Variants in POTEE observed in about 807,000 individuals in gnomAD.
POTEE encodes the protein ANKRD26-like family C member 1A.
A neutral mutation model predicts 74.2 loss-of-function variants in POTEE; 21 were observed. The ratio of observed to expected loss-of-function variants is 0.28; its 90% CI spans 0.20 to 0.41. The LOEUF (loss-of-function observed/expected upper bound fraction) is 0.41, where lower values mean the gene tolerates loss of function less well. Ranked by LOEUF, POTEE falls within the 10% of genes least tolerant of loss-of-function variation. The pLI, the probability that POTEE is intolerant of heterozygous loss-of-function variation, is 1.00. For missense variants in POTEE, 525 were observed against 1,158.6 expected (o/e 0.45, Z 7.94); for synonymous variants, 211 against 432.8 (o/e 0.49, Z 6.36).
intron 2 of POTEE, among the ~76,000 whole-genome samples, chr2:131,211,904 T>C (rs1289254487): frequency 6.6e-6 from 1 of 150,790 alleles, no homozygotes; most frequent in East Asian, 2.0e-4. Flanking sequence ...TTTCAAATTT[T>C]GTGAATTGGG....
chr2:131,218,798 G>T lies in POTEE; in HGVS notation c.396G>T (p.Arg132Ser), dbSNP rs770282170. 1.9e-6 allele frequency: 3 copies of T among 1,612,742 alleles called. No individual in the cohort carries two copies. Among genetic ancestry groups the T allele is most frequent in the Non-Finnish European group, 2.5e-6 (3 of 1,179,874 alleles). The change falls in exon 4 of 18, where the codon AGG becomes AGT. Residue 132 changes from arginine to serine, a missense_variant. By Grantham distance (110) the Arg-to-Ser change is moderately radical (BLOSUM62 -1). Coordinates refer to ENST00000683005, the MANE Select transcript of POTEE (RefSeq NM_001083538.3). ...DYDDSAFMEP[R>S]YHVRGEDLDK... ...ATGACAGCGCCTTCATGGAGCCCAG[G>T]TACCACGTCCGTGGAGAAGATCTGG...
intron 4 of POTEE, among the ~76,000 whole-genome samples, chr2:131,222,873 A>T (rs536561613): frequency 6.6e-6 from 1 of 151,920 alleles, no homozygotes; most frequent in South Asian, 2.1e-4. Context: ...TGGTCATCTG[A>T]CTGGAACCGC....
Position 131,263,867 on chromosome 2 carries a change from G to A in POTEE, c.2412G>A (p.Leu804=), listed in dbSNP as rs369908134. ...LRVAPEEHPI[L]LTEAPLNPKA... ...TGGCTCCCGAGGAGCACCCCATCCTGCTGACCGAGGCCCCCCTGAACCCCA... is the reference window on the plus strand; with the variant it reads ...TGGCTCCCGAGGAGCACCCCATCCTACTGACCGAGGCCCCCCTGAACCCCA... The change falls in exon 18 of 18, where the codon CTG becomes CTA. Residue 804 remains leucine (L), a synonymous_variant. Transcript: ENST00000683005. The A allele has an allele frequency of 1.1e-3, 1,729 of 1,614,146 alleles. 6 individuals are homozygous for A. Among genetic ancestry groups the A allele is most frequent in the Middle Eastern group, 5.4e-3 (33 of 6,060 alleles).
At position 131,209,739 on chromosome 2, in the gene POTEE, C is replaced by T. The variant is rs1249299180; in HGVS notation, c.-425C>T. 1.8e-4 allele frequency among the ~76,000 whole-genome samples: 28 copies of T among 152,244 alleles called. No homozygotes were observed. Among genetic ancestry groups the T allele is most frequent in the African/African-American group, 6.5e-4 (27 of 41,466 alleles). ...GCATGCTGGAGGCTGGAGCCTGAGC[C>T]CCTGGGGCTCGCCTTGCTGTGTTTG... On this transcript the variant is annotated 5_prime_UTR_variant, in exon 1 of 18. Transcript: ENST00000683005.
chr2:131,233,793 A>G (rs533822388), intron 9 of POTEE, among the ~76,000 whole-genome samples: 56 of 150,286 alleles, frequency 3.7e-4, no homozygotes, highest in African/African-American at 1.3e-3. Context: ...GTGATAATTG[A>G]ATGAGAAAGG....
At chr2:131,222,678 T>C (rs1306355759) in intron 4 of POTEE, among the ~76,000 whole-genome samples, 2 of 152,250 alleles carry the variant, frequency 1.3e-5, no homozygotes, top group East Asian at 1.9e-4. Context: ...GATGTAGATA[T>C]ATTGTATAAA....
chr2:131,213,257 A>T (rs202074269), intron 2 of POTEE, among the ~76,000 whole-genome samples: 141 of 149,478 alleles, frequency 9.4e-4, no homozygotes, highest in African/African-American at 3.4e-3. Flanking sequence ...AACCAAAAAC[A>T]AGGCTTTATT....
At chr2:131,212,305 G>A (rs1700374931) in intron 2 of POTEE, among the ~76,000 whole-genome samples, 1 of 151,308 alleles carries the variant, frequency 6.6e-6, no homozygotes, top group African/African-American at 2.4e-5. Flanking sequence ...TACTGCTCAA[G>A]GTCATTAGAA....
intron 8 of POTEE, among the ~76,000 whole-genome samples, chr2:131,230,548 A>T (rs192205845): frequency 2.0e-5 from 3 of 152,298 alleles, no homozygotes; most frequent in Admixed American, 2.0e-4. Flanking sequence ...TTATGGAGCT[A>T]GGACTTATTT....
intron 8 of POTEE, chr2:131,229,859 A>T (rs1281493738): frequency 2.5e-4 from 38 of 152,228 alleles, no homozygotes; most frequent in African/African-American, 5.1e-4. Context: ...GAGATGACTT[A>T]GACCTGAATA....
At chr2:131,217,733 CTGAGA>C (rs1359008931) in intron 3 of POTEE, among the ~76,000 whole-genome samples, 50 bp downstream of exon 3, 1 of 150,266 alleles carries the variant, frequency 6.7e-6, no homozygotes, top group East Asian at 2.0e-4. Context: ...CTGACGCCAC[CTGAGA>C]TAAGCACGCC....
intron 4 of POTEE, among the ~76,000 whole-genome samples, chr2:131,220,284 A>G (rs1700577441): frequency 6.7e-6 from 1 of 150,042 alleles, no homozygotes; most frequent in African/African-American, 2.5e-5. Context: ...GGCTCACTGC[A>G]ACCTCTGCCT....
rs1359865109 is a variant in POTEE, at chr2:131,209,785, A to G, written c.-379A>G. ...GTTTGGTGGTGACGTGGGACACTGC[A>G]GCTCGGCCAGAGTGGTAGAAATGTC... On this transcript the variant is annotated 5_prime_UTR_variant, in exon 1 of 18. Transcript: ENST00000683005. Among the ~76,000 whole-genome samples the G allele has an allele frequency of 6.6e-6, 1 of 152,170 alleles. No individual in the cohort carries two copies. Among genetic ancestry groups the G allele is most frequent in the Non-Finnish European group, 1.5e-5 (1 of 68,018 alleles).
intron 16 of POTEE, among the ~76,000 whole-genome samples, chr2:131,257,220 A>G: frequency 1.4e-5 from 1 of 70,354 alleles, no homozygotes; most frequent in Non-Finnish European, 2.9e-5. Flanking sequence ...TCTCACTCTC[A>G]TGAATAGGGT....
intron 8 of POTEE, among the ~76,000 whole-genome samples, chr2:131,229,939 C>T (rs990864812): frequency 2.0e-5 from 3 of 151,958 alleles, no homozygotes; most frequent in Non-Finnish European, 4.4e-5. Context: ...TGCTACTTCT[C>T]TGTGGAAACT....
In POTEE at chr2:131,263,878, C is replaced by T. The variant is rs541194158; in HGVS notation, c.2423C>T (p.Ala808Val). 3.7e-6 allele frequency: 6 copies of T among 1,614,122 alleles called. No individual in the cohort carries two copies. Among genetic ancestry groups the T allele is most frequent in the African/African-American group, 1.3e-5 (1 of 75,066 alleles). The change falls in exon 18 of 18, where the codon GCC (alanine) becomes GTC (valine). Residue 808 changes from alanine (A) to valine (V), a missense_variant. Coordinates refer to ENST00000683005, the MANE Select transcript of POTEE (RefSeq NM_001083538.3). ...PEEHPILLTEAPLNPKANREK... is the reference protein window; with the variant it reads ...PEEHPILLTEVPLNPKANREK... ...GAGCACCCCATCCTGCTGACCGAGG[C>T]CCCCCTGAACCCCAAGGCCAACCGC...
chr2:131,230,910 A>G lies in POTEE; in HGVS notation c.1126+4A>G, dbSNP rs1353040522. 5 of 1,564,182 alleles carry G rather than the reference A, an allele frequency of 3.2e-6. No individual in the cohort carries two copies. Among genetic ancestry groups the G allele is most frequent in the Non-Finnish European group, 4.3e-6 (5 of 1,155,168 alleles). On this transcript the variant is annotated splice_donor_region_variant and intron_variant, in intron 9 of 17. Coordinates refer to ENST00000683005, the MANE Select transcript of POTEE (RefSeq NM_001083538.3). ...TCTTCTGAAAACAGCAATCCAGGTA[A>G]GACTTGTGATAGTGAATTACTTTAG...
chr2:131,219,882 A>C (rs1210743666), intron 4 of POTEE, among the ~76,000 whole-genome samples: 1 of 152,178 alleles, frequency 6.6e-6, no homozygotes, highest in Non-Finnish European at 1.5e-5. Flanking sequence ...GAATGGAAAA[A>C]GTCTGCTTTT....
chr2:131,262,845 G>A (rs1399106218), intron 17 of POTEE, among the ~76,000 whole-genome samples: 1 of 152,272 alleles, frequency 6.6e-6, no homozygotes, highest in Non-Finnish European at 1.5e-5. Flanking sequence ...TAGAATATCG[G>A]TAAAACGTTC....
Sources: gnomAD v4.1 joint callset for allele counts (sites outside exome capture counted in the v4.1 genomes callset) on GRCh38, gnomAD v4.1.1 for gene constraint, MANE v1.5 for transcripts, NCBI Gene and HGNC (gene_info 2026-07-23, HGNC 2026-07-21) for gene names.